Variants in UBXN2A observed in about 807,000 individuals in gnomAD.
UBXN2A encodes UBX domain protein 2A.
In UBXN2A, 28 loss-of-function variants were observed where a neutral mutation model predicts 28.4. The observed-to-expected ratio is 0.99, with a 90% CI of 0.73 to 1.35. The LOEUF (loss-of-function observed/expected upper bound fraction) is 1.35. Among genes scored for constraint, UBXN2A ranks in the 40% most tolerant of loss-of-function variants. The pLI is 0.00. For synonymous variants in UBXN2A, 97 were observed against 103.6 expected, an observed-to-expected ratio of 0.94 and a Z score of 0.39; for missense variants, 253 against 297.9, an observed-to-expected ratio of 0.85 and a Z score of 1.11.
chr2:23,990,893 A>G (rs770045091), intron 6 of UBXN2A, among the ~76,000 whole-genome samples: 5 of 152,190 alleles, frequency 3.3e-5, no homozygotes, highest in Non-Finnish European at 5.9e-5. Flanking sequence ...TGTCAGGTTT[A>G]AAAAAGTAAA....
chr2:23,929,019 G>C lies in UBXN2A; in HGVS notation c.-138+1404G>C, dbSNP rs145275776. On this transcript the variant is annotated intron_variant, in intron 1 of 7. Transcript: ENST00000404924. Reference sequence around the variant, plus strand: ...AAGAGGCTGGTTTGGGCCAGGCACTGTAGCTCACACCTGTATTCTCAGCAC... The same window carrying C: ...AAGAGGCTGGTTTGGGCCAGGCACTCTAGCTCACACCTGTATTCTCAGCAC... 2.0e-3 allele frequency among the ~76,000 whole-genome samples: 311 copies of C among 152,276 alleles called. 1 individual carries two copies. The highest frequency in any genetic ancestry group is 7.0e-3 in the African/African-American group (290 of 41,552).
intron 4 of UBXN2A, among the ~76,000 whole-genome samples, chr2:23,980,897 G>T (rs1214737296): frequency 6.6e-6 from 1 of 152,116 alleles, no homozygotes; most frequent in African/African-American, 2.4e-5. Flanking sequence ...ACAGTGCTGG[G>T]ATTACAGGCA....
intron 1 of UBXN2A, among the ~76,000 whole-genome samples, chr2:23,942,729 C>G (rs1161541267): frequency 1.3e-5 from 2 of 151,142 alleles, no homozygotes; most frequent in Non-Finnish European, 3.0e-5. Flanking sequence ...GATGCAGGGC[C>G]TTTTAAGCAA....
intron 3 of UBXN2A, among the ~76,000 whole-genome samples, chr2:23,974,207 C>T (rs2150874436): frequency 6.7e-6 from 1 of 149,076 alleles, no homozygotes; most frequent in African/African-American, 2.5e-5. Flanking sequence ...TTAGTGGAGA[C>T]GGAGTTTCAC....
At chr2:23,997,836 G>A (rs903944921) in intron 6 of UBXN2A, among the ~76,000 whole-genome samples, 6 of 148,874 alleles carry the variant, frequency 4.0e-5, no homozygotes, top group African/African-American at 7.4e-5. Flanking sequence ...TTTTAAGATG[G>A]AGTCTTGCTC....
At chr2:23,973,167 G>A (rs1010084868) in intron 3 of UBXN2A, among the ~76,000 whole-genome samples, 3 of 148,130 alleles carry the variant, frequency 2.0e-5, no homozygotes, top group African/African-American at 5.0e-5. Flanking sequence ...TTACAGGTGC[G>A]CACCACCATG....
chr2:23,944,181 A>C, intron 1 of UBXN2A: 1 of 1,357,478 alleles, frequency 7.4e-7, no homozygotes, highest in Non-Finnish European at 1.0e-6. Context: ...GCCAGCACTG[A>C]TGGACACAAC....
intron 1 of UBXN2A, among the ~76,000 whole-genome samples, chr2:23,930,597 G>A (rs1705338119): frequency 6.6e-6 from 1 of 152,182 alleles, no homozygotes; most frequent in Non-Finnish European, 1.5e-5. Context: ...GGTGGCTCAC[G>A]CCTATAATCC....
At chr2:23,927,407 G>T (rs569082767) in exon 1 of UBXN2A, 1 of 153,560 alleles carries the variant, frequency 6.5e-6, no homozygotes, top group South Asian at 2.1e-4. Context: ...AGACCCCACC[G>T]TCACCCCCGT....
intron 6 of UBXN2A, among the ~76,000 whole-genome samples, chr2:23,993,772 C>G (rs868166677): frequency 1.5e-4 from 23 of 151,336 alleles, no homozygotes; most frequent in Non-Finnish European, 7.4e-5. Flanking sequence ...ACTGCGACCT[C>G]TGCCTCCCTG....
chr2:23,933,228 C>G (rs1431477212), intron 1 of UBXN2A, among the ~76,000 whole-genome samples: 2 of 151,990 alleles, frequency 1.3e-5, no homozygotes, highest in African/African-American at 4.8e-5. Flanking sequence ...AAGAATAGGC[C>G]AAGCGTGGGG....
At chr2:23,944,747 C>T (rs1439683483) in intron 1 of UBXN2A, among the ~76,000 whole-genome samples, 1 of 152,094 alleles carries the variant, frequency 6.6e-6, no homozygotes, top group Non-Finnish European at 1.5e-5. Flanking sequence ...CTTTGGGCAC[C>T]ACTGCCTGTG....
intron 2 of UBXN2A, among the ~76,000 whole-genome samples, chr2:23,966,455 T>C (rs1451436508): frequency 6.8e-6 from 1 of 146,100 alleles, no homozygotes; most frequent in Non-Finnish European, 1.5e-5. Context: ...TTTCTTTTTT[T>C]CTTTTTTTTT....
chr2:23,979,631 C>T lies in UBXN2A; in HGVS notation c.287+2556C>T, dbSNP rs375638584. On this transcript the variant is annotated intron_variant, in intron 4 of 6. Coordinates refer to ENST00000309033, the MANE Select transcript of UBXN2A (RefSeq NM_181713.4). ...TTTTTGAGGCTGGAGTGCAGTGGCA[C>T]GATCATAGTTCATTGCAGCTTCAAA... Among the ~76,000 whole-genome samples, 7 of 152,124 alleles carry T rather than the reference C, an allele frequency of 4.6e-5. No homozygotes were observed. The East Asian group carries it at 5.8e-4, about 13-fold the overall frequency.
intron 1 of UBXN2A, among the ~76,000 whole-genome samples, chr2:23,941,532 T>A (rs1486774736): frequency 1.3e-5 from 2 of 152,226 alleles, no homozygotes; most frequent in Non-Finnish European, 2.9e-5. Flanking sequence ...GATATGAGGC[T>A]GACTGCAGTC....
intron 1 of UBXN2A, among the ~76,000 whole-genome samples, chr2:23,951,556 G>A (rs770810006): frequency 1.6e-4 from 24 of 151,440 alleles, no homozygotes; most frequent in Admixed American, 1.3e-3. Flanking sequence ...TGCCTCCAAG[G>A]TTCAAGCGAT....
At chr2:23,981,299 T>A (rs1229296674) in intron 4 of UBXN2A, among the ~76,000 whole-genome samples, 1 of 111,210 alleles carries the variant, frequency 9.0e-6, no homozygotes, top group Non-Finnish European at 1.9e-5. Context: ...AGAACCTGTC[T>A]CTACAAAAAA....
intron 6 of UBXN2A, among the ~76,000 whole-genome samples, chr2:23,997,500 G>C (rs1320939191): frequency 6.6e-6 from 1 of 152,108 alleles, no homozygotes; most frequent in East Asian, 1.9e-4. Context: ...CGCCCAGGCT[G>C]GAGTGCAGTG....
At position 23,982,958 on chromosome 2, in the gene UBXN2A, A is replaced by G. The variant is rs760862632; in HGVS notation, c.350A>G (p.Asp117Gly). ...GAAGAGGTGGACGTTAAAGTTGAAG[A>G]CAAGAAAAATGAAATATGTTTGTCT... ...DKEEVDVKVE[D>G]KKNEICLSTK... The change falls in exon 5 of 7, where the codon GAC becomes GGC. Residue 117 changes from aspartate (D) to glycine (G), a missense_variant. Physicochemically the swap from Asp to Gly is moderately conservative, Grantham distance 94 (BLOSUM62 -1). Coordinates refer to ENST00000309033, the MANE Select transcript of UBXN2A (RefSeq NM_181713.4). 3 of 1,612,016 alleles carry G rather than the reference A, an allele frequency of 1.9e-6. No homozygotes were observed. The highest frequency in any genetic ancestry group is 8.5e-7 in the Non-Finnish European group (1 of 1,178,818).
Sources: allele counts gnomAD v4.1 joint callset (sites outside exome capture counted in the v4.1 genomes callset), GRCh38; gene constraint gnomAD v4.1.1; transcripts MANE v1.5; gene names NCBI Gene and HGNC (gene_info 2026-07-23, HGNC 2026-07-21).